SUPT5H: variants seen among roughly 807,000 people sequenced by gnomAD.
SUPT5H encodes the protein transcription elongation factor SPT5.
A neutral mutation model predicts 142.5 loss-of-function variants in SUPT5H; 24 were observed. That is an observed-to-expected ratio of 0.17 (90% CI 0.12 to 0.24). The LOEUF is 0.24. Among genes scored for constraint, SUPT5H ranks in the 10% least tolerant of loss-of-function variants. The probability of loss-of-function intolerance (pLI) is 1.00; values close to 1 mark genes in which losing one functional copy is unlikely to be tolerated. For missense variants in SUPT5H, 893 were observed against 1,471.8 expected (o/e 0.61, Z 6.43); for synonymous variants, 546 against 553.0 (o/e 0.99, Z 0.18).
At chr19:39,448,124 A>G (rs1316342503) in intron 2 of SUPT5H, among the ~76,000 whole-genome samples, 3 of 152,182 alleles carry the variant, frequency 2.0e-5, no homozygotes, top group South Asian at 2.1e-4. Flanking sequence ...GTTAGTTGCC[A>G]TTTGTCCTCT....
chr19:39,449,210 G>A (rs1568417027), intron 2 of SUPT5H, among the ~76,000 whole-genome samples: 4 of 152,094 alleles, frequency 2.6e-5, no homozygotes, highest in Admixed American at 2.0e-4. Flanking sequence ...TACTGCAGGG[G>A]ATGTTGAGGA....
chr19:39,460,028 C>T, intron 10 of SUPT5H, 68 bp downstream of exon 10: 1 of 1,540,162 alleles, frequency 6.5e-7, no homozygotes, highest in South Asian at 1.1e-5. Flanking sequence ...ACATTGTCAA[C>T]TTCAGGGGTA....
Position 39,472,626 on chromosome 19 carries a change from G to T in SUPT5H, c.2035+133G>T, listed in dbSNP as rs2079337377. ...TTAGGGGTTCACCACCCACAGGAGG[G>T]TAGACGCCACAGTGACAGCCCAGAA... On this transcript the variant is annotated intron_variant, in intron 21 of 29. Transcript: ENST00000432763. The surrounding 1 kb of genome is among the most constrained non-coding windows in gnomAD (Gnocchi z 4.2). 1.5e-6 allele frequency: 2 copies of T among 1,375,204 alleles called. No individual in the cohort carries two copies. The highest frequency in any genetic ancestry group is 4.4e-5 in the Admixed American group (2 of 45,372). 85.2% of individuals were successfully genotyped at this position (1,375,204 alleles called of 1,614,324 possible).
rs569049707 is a variant in SUPT5H, at chr19:39,475,891, T to TG, written c.3025-187dup. ...TCATTCTGATGCTTCCCTTGCTGAT[T>TG]GGGTCACCCTGTCCACCCTGACATG... On this transcript the variant is annotated intron_variant, in intron 28 of 29. Transcript: ENST00000432763. 8.9e-4 allele frequency: 523 copies of TG among 589,582 alleles called. 3 individuals are homozygous for TG. Among genetic ancestry groups the TG allele is most frequent in the Middle Eastern group, 1.8e-3 (4 of 2,228 alleles). The allele number at this position is 589,582 out of a possible 1,614,324, so 36.5% of individuals were successfully genotyped here. A position where few individuals can be genotyped will look rare whatever the true frequency, so the allele number is the denominator to read the frequency against.
Position 39,474,911 on chromosome 19 carries a change from C to T in SUPT5H, c.3024+193C>T, listed in dbSNP as rs886948490. The T allele has an allele frequency of 1.6e-5, 10 of 641,476 alleles. No homozygotes were observed. The highest frequency in any genetic ancestry group is 2.7e-5 in the Non-Finnish European group (10 of 373,730). 39.7% of individuals were successfully genotyped at this position (641,476 alleles called of 1,614,324 possible). ...TGATTTAGCGGGGAATCAGGGAGGG[C>T]TGCCTGGGGAAGGAGAAATCTGAGC... On this transcript the variant is annotated intron_variant, in intron 28 of 29. Transcript: ENST00000432763. This position sits in a 1 kb window ranked among gnomAD's most constrained non-coding sequence, Gnocchi z 6.5.
rs368620858 is a variant in SUPT5H at position 39,466,594 on chromosome 19, G to A, written c.966+25G>A. ...GGTACTCAGGGGAATCTGTGGCCTG[G>A]GGGGGAGGGAGTGTGCTCGATCCCA... On this transcript the variant is annotated intron_variant, in intron 12 of 29. Transcript: ENST00000432763. This position sits in a 1 kb window ranked among gnomAD's most constrained non-coding sequence, Gnocchi z 4.3. The A allele has an allele frequency of 4.5e-6, 5 of 1,120,866 alleles. No individual in the cohort carries two copies. The Admixed American group carries it at 8.7e-5, about 19-fold the overall frequency. 69.4% of individuals were successfully genotyped at this position (1,120,866 alleles called of 1,614,324 possible).
At chr19:39,457,843 TC>T (rs2079109949) in intron 4 of SUPT5H, 103 bp downstream of exon 4, 5 of 1,474,264 alleles carry the variant, frequency 3.4e-6, no homozygotes, top group Non-Finnish European at 4.6e-6. Flanking sequence ...ACACCCCAAC[TC>T]CCACCGTCCT....
At chr19:39,460,872 T>C (rs1051756935) in intron 10 of SUPT5H, among the ~76,000 whole-genome samples, 1 of 152,164 alleles carries the variant, frequency 6.6e-6, no homozygotes, top group African/African-American at 2.4e-5. Flanking sequence ...TCAGTTAACA[T>C]GATCCCTGCT....
At chr19:39,450,975 A>T (rs2146075410) in intron 2 of SUPT5H, among the ~76,000 whole-genome samples, 1 of 152,322 alleles carries the variant, frequency 6.6e-6, no homozygotes, top group South Asian at 2.1e-4. Flanking sequence ...AAAGTTTTAA[A>T]TTTTGAAACA....
intron 2 of SUPT5H, among the ~76,000 whole-genome samples, chr19:39,449,709 T>C (rs1363060929): frequency 6.6e-6 from 1 of 151,422 alleles, no homozygotes; most frequent in Non-Finnish European, 1.5e-5. Flanking sequence ...TGGCACGATC[T>C]CAGCTCACTG....
At chr19:39,463,271 G>A (rs1210989402) in intron 10 of SUPT5H, among the ~76,000 whole-genome samples, 1 of 152,082 alleles carries the variant, frequency 6.6e-6, no homozygotes, top group Non-Finnish European at 1.5e-5. Context: ...CAAAGTGCTG[G>A]GATTACAGGC....
intron 20 of SUPT5H, 73 bp downstream of exon 20, chr19:39,471,803 A>G: frequency 6.5e-7 from 1 of 1,543,166 alleles, no homozygotes; most frequent in African/African-American, 1.4e-5. Context: ...TGGCCCCAGA[A>G]GTGATAAGAT....
At chr19:39,446,362 A>G (rs1394624092) in intron 2 of SUPT5H, among the ~76,000 whole-genome samples, 2 of 152,224 alleles carry the variant, frequency 1.3e-5, no homozygotes, top group African/African-American at 4.8e-5. Context: ...TCGGGAATGT[A>G]AATAAATATA....
In SUPT5H at chr19:39,475,393, C is replaced by CAAAA. The variant is rs57598754; in HGVS notation, c.3025-678_3025-675dup. 6.1e-3 allele frequency among the ~76,000 whole-genome samples: 814 copies of CAAAA among 132,872 alleles called. 17 individuals carry two copies. The highest frequency in any genetic ancestry group is 0.021 in the African/African-American group (725 of 34,874). The allele number at this position is 132,872 out of a possible 152,430, so 87.2% of individuals were successfully genotyped here. On this transcript the variant is annotated intron_variant, in intron 28 of 29. Transcript: ENST00000432763. Reference sequence around the variant, plus strand: ...GTCTGGGTGACAGAGCAAGACTCCTCAAAAAAAAAAAAATGGTGAGTGATG... The same window carrying CAAAA: ...GTCTGGGTGACAGAGCAAGACTCCTCAAAAAAAAAAAAAAAAATGGTGAGTGATG...
chr19:39,445,976 G>C lies in SUPT5H; in HGVS notation c.75+11G>C. ...GGCGAGGAGGCCGAGGTCTGTGGCT[G>C]GGGCGCTGGGGGAGACATTGCGTCT... On this transcript the variant is annotated intron_variant, in intron 2 of 29. Transcript: ENST00000432763. The C allele has an allele frequency of 6.2e-7, 1 of 1,609,620 alleles. No individual in the cohort carries two copies. The highest frequency in any genetic ancestry group is 8.5e-7 in the Non-Finnish European group (1 of 1,179,208).
Position 39,468,662 on chromosome 19 carries a change from C to A in SUPT5H, c.1038-94C>A. ...TGGGATGGGTCAGTCTGCCTGTGGT[C>A]CTCTCCTTCTGTTGCCAGCTGAGAA... On this transcript the variant is annotated intron_variant, in intron 13 of 29. Transcript: ENST00000432763. The A allele has an allele frequency of 2.7e-6, 3 of 1,114,248 alleles. No homozygotes were observed. The Admixed American group carries it at 5.7e-5, about 21-fold the overall frequency. 69.0% of individuals were successfully genotyped at this position (1,114,248 alleles called of 1,614,324 possible). A position where few individuals can be genotyped will look rare whatever the true frequency, so the allele number is the denominator to read the frequency against.
intron 11 of SUPT5H, 124 bp downstream of exon 11, chr19:39,465,173 A>G: frequency 7.1e-7 from 1 of 1,400,322 alleles, no homozygotes; most frequent in Non-Finnish European, 9.7e-7. Flanking sequence ...GAGTTGAAGC[A>G]GAGCCTGGGT....
In SUPT5H at chr19:39,453,534, G is replaced by A; in HGVS notation, c.241+13G>A. ...CTGGACGAGGCTGGTATGTCATAGTGCTTGGCCAGTGCCGAGCAGAGGCTG... is the reference window on the plus strand; with the variant it reads ...CTGGACGAGGCTGGTATGTCATAGTACTTGGCCAGTGCCGAGCAGAGGCTG... On this transcript the variant is annotated intron_variant, in intron 3 of 29. Transcript: ENST00000432763. 6.6e-7 allele frequency: 1 copy of A among 1,518,922 alleles called. No homozygotes were observed. The allele number at this position is 1,518,922 out of a possible 1,614,324, so 94.1% of individuals were successfully genotyped here. A position where few individuals can be genotyped will look rare whatever the true frequency, so the allele number is the denominator to read the frequency against.
Position 39,469,219 on chromosome 19 carries a change from C to T in SUPT5H, c.1238-43C>T. 1 of 1,614,136 alleles carries T rather than the reference C, an allele frequency of 6.2e-7. No individual in the cohort carries two copies. The highest frequency in any genetic ancestry group is 1.1e-5 in the South Asian group (1 of 91,070). On this transcript the variant is annotated intron_variant, in intron 15 of 29. Transcript: ENST00000432763. This position sits in a 1 kb window ranked among gnomAD's most constrained non-coding sequence, Gnocchi z 5.1. ...CCTGGGCCAAGGAGCAGGGGCGGCCCATGGTGGCAACCCCCGAGTCAGCCC... is the reference window on the plus strand; with the variant it reads ...CCTGGGCCAAGGAGCAGGGGCGGCCTATGGTGGCAACCCCCGAGTCAGCCC...
Sources: allele counts gnomAD v4.1 joint callset (sites outside exome capture counted in the v4.1 genomes callset), GRCh38; gene constraint gnomAD v4.1.1; non-coding constraint Gnocchi (gnomAD v3.1); transcripts MANE v1.5; gene names NCBI Gene and HGNC (gene_info 2026-07-23, HGNC 2026-07-21).